Variants in REDIC1 observed in about 807,000 individuals in gnomAD.
The protein encoded by REDIC1 is regulator of DNA class I crossover intermediates 1.
At chr12:39,858,084 C>T in the REDIC1 span, among the ~76,000 whole-genome samples, 1 of 152,140 alleles carries the variant, frequency 6.6e-6, no homozygotes, top group African/African-American at 2.4e-5. Flanking sequence ...AAGAATATGT[C>T]CCATAAATGG....
At chr12:39,858,291 G>T in the REDIC1 span, among the ~76,000 whole-genome samples, 1 of 152,076 alleles carries the variant, frequency 6.6e-6, no homozygotes, top group Admixed American at 6.5e-5. Context: ...ATTGACTTAT[G>T]TACATTTATC....
At chr12:39,690,390 G>A in the REDIC1 span, among the ~76,000 whole-genome samples, 10 of 152,188 alleles carry the variant, frequency 6.6e-5, no homozygotes, top group Admixed American at 5.2e-4. Flanking sequence ...ACATGGGAAC[G>A]TATTCACCAG....
chr12:39,803,510 G>A, the REDIC1 span, among the ~76,000 whole-genome samples: 2 of 151,934 alleles, frequency 1.3e-5, no homozygotes, highest in African/African-American at 4.8e-5. Flanking sequence ...AAAACCTTCA[G>A]ATTTAAAAAG....
At chr12:39,786,860 A>G in the REDIC1 span, among the ~76,000 whole-genome samples, 23,184 of 152,248 alleles carry the variant, frequency 0.15, 1,948 homozygotes, top group East Asian at 0.3. Context: ...TTGAGATTTT[A>G]GTAAATGACT....
chr12:39,827,151 T>TAACATTCCATGTGGTCCTAAC, the REDIC1 span, among the ~76,000 whole-genome samples: 3 of 151,968 alleles, frequency 2.0e-5, no homozygotes, highest in African/African-American at 7.2e-5. Flanking sequence ...AACATGCCTC[T>TAACATTCCATGTGGTCCTAAC]ATGGATGTCT....
the REDIC1 span, among the ~76,000 whole-genome samples, chr12:39,730,537 TG>T: frequency 6.6e-6 from 1 of 152,246 alleles, no homozygotes; most frequent in Non-Finnish European, 1.5e-5. Flanking sequence ...GCTGTTAGTC[TG>T]ATGGGCTTCC....
chr12:39,734,911 A>C, the REDIC1 span, among the ~76,000 whole-genome samples: 10 of 152,326 alleles, frequency 6.6e-5, no homozygotes, highest in East Asian at 3.9e-4. Flanking sequence ...TTGACTCGCT[A>C]TCTCAATTTG....
At chr12:39,695,547 C>T in the REDIC1 span, among the ~76,000 whole-genome samples, 1 of 152,108 alleles carries the variant, frequency 6.6e-6, no homozygotes, top group African/African-American at 2.4e-5. Context: ...AGGACTGTGT[C>T]TTGTGGTTTG....
At chr12:39,760,976 A>ACACACACACACACACACACACACACACCC in the REDIC1 span, among the ~76,000 whole-genome samples, 1 of 150,146 alleles carries the variant, frequency 6.7e-6, no homozygotes, top group Non-Finnish European at 1.5e-5. Flanking sequence ...ACACACACAT[A>ACACACACACACACACACACACACACACCC]ATTGAATTGC....
At chr12:39,777,164 T>C in the REDIC1 span, among the ~76,000 whole-genome samples, 1 of 152,216 alleles carries the variant, frequency 6.6e-6, no homozygotes, top group East Asian at 1.9e-4. Flanking sequence ...CACTTTCCTT[T>C]CTTCCCGCTT....
the REDIC1 span, among the ~76,000 whole-genome samples, chr12:39,723,501 G>A: frequency 5.3e-5 from 8 of 151,320 alleles, no homozygotes; most frequent in Non-Finnish European, 1.0e-4. Flanking sequence ...TGCATTACTG[G>A]TTTGGGCTTT....
At chr12:39,864,629 A>C in the REDIC1 span, 1 of 1,251,870 alleles carries the variant, frequency 8.0e-7, no homozygotes, top group African/African-American at 1.5e-5. Context: ...CACCTTTCCC[A>C]TTTTCTTCCC....
At chr12:39,793,678 G>A in the REDIC1 span, among the ~76,000 whole-genome samples, 1 of 152,008 alleles carries the variant, frequency 6.6e-6, no homozygotes, top group African/African-American at 2.4e-5. Flanking sequence ...TGGGACCTCT[G>A]ATTTTAGGCA....
chr12:39,674,273 T>C, the REDIC1 span, among the ~76,000 whole-genome samples: 1 of 152,230 alleles, frequency 6.6e-6, no homozygotes, highest in African/African-American at 2.4e-5. Flanking sequence ...GTAAATTTCT[T>C]GTTGGCAATA....
At chr12:39,826,545 C>G in the REDIC1 span, among the ~76,000 whole-genome samples, 1 of 149,364 alleles carries the variant, frequency 6.7e-6, no homozygotes, top group East Asian at 2.0e-4. Flanking sequence ...TACTCTTATA[C>G]TTGTAACATC....
At chr12:39,668,474 A>G in the REDIC1 span, among the ~76,000 whole-genome samples, 6 of 152,096 alleles carry the variant, frequency 3.9e-5, no homozygotes, top group Non-Finnish European at 8.8e-5. Context: ...GGGTAACCCA[A>G]CCTTTCTCTC....
At chr12:39,690,608 A>T in the REDIC1 span, among the ~76,000 whole-genome samples, 120 of 150,856 alleles carry the variant, frequency 8.0e-4, no homozygotes, top group African/African-American at 2.8e-3. Context: ...GATTCAAAGA[A>T]TATCAAATTA....
At chr12:39,715,570 A>G in the REDIC1 span, among the ~76,000 whole-genome samples, 1 of 151,966 alleles carries the variant, frequency 6.6e-6, no homozygotes, top group Non-Finnish European at 1.5e-5. Context: ...GAACTAGAAA[A>G]AACAATTCTA....
the REDIC1 span, among the ~76,000 whole-genome samples, chr12:39,850,026 AT>A: frequency 2.6e-5 from 4 of 152,134 alleles, no homozygotes; most frequent in East Asian, 7.7e-4. Flanking sequence ...GGCAACTCAA[AT>A]TGTAGTTAAG....
Sources: gnomAD v4.1 joint callset for allele counts (sites outside exome capture counted in the v4.1 genomes callset) on GRCh38, gnomAD v4.1.1 for gene constraint, MANE v1.5 for transcripts, NCBI Gene and HGNC (gene_info 2026-07-23, HGNC 2026-07-21) for gene names.